The following DLC1 variants were observed in gnomAD, a reference collection of about 807,000 sequenced individuals.
DLC1 encodes rho GTPase-activating protein 7.
In DLC1, 54 loss-of-function variants were observed where a neutral mutation model predicts 140.3. That is an observed-to-expected ratio of 0.38 (90% CI 0.31 to 0.48). DLC1 has a LOEUF of 0.48. Among genes scored for constraint, DLC1 ranks in the 20% least tolerant of loss-of-function variants. The pLI is 0.96. For synonymous variants in DLC1, 986 were observed against 728.1 expected (o/e 1.35, Z -5.70); for missense variants, 2,536 against 1,907.0 (o/e 1.33, Z -6.14).
At chr8:13,238,441 A>T (rs967548949) in intron 5 of DLC1, among the ~76,000 whole-genome samples, 1 of 151,930 alleles carries the variant, frequency 6.6e-6, no homozygotes, top group Non-Finnish European at 1.5e-5. Flanking sequence ...TGAGCTCAAG[A>T]GGTGGAGGCT....
chr8:13,425,794 G>T (rs1329410805), intron 2 of DLC1, among the ~76,000 whole-genome samples: 1 of 152,036 alleles, frequency 6.6e-6, no homozygotes, highest in African/African-American at 2.4e-5. Flanking sequence ...TTATTTTTGG[G>T]GTGATAGGGT....
intron 2 of DLC1, among the ~76,000 whole-genome samples, chr8:13,482,486 T>C (rs1053310069): frequency 6.6e-6 from 1 of 152,194 alleles, no homozygotes; most frequent in Non-Finnish European, 1.5e-5. Flanking sequence ...AGCGGTGAAA[T>C]AATTTAAAGC....
At chr8:13,094,090 G>A (rs764152546) in intron 12 of DLC1, among the ~76,000 whole-genome samples, 31 of 152,272 alleles carry the variant, frequency 2.0e-4, no homozygotes, top group Non-Finnish European at 3.4e-4. Context: ...AGAGGGGTGT[G>A]AAGCAACTGA....
chr8:13,421,335 C>T (rs1304130432), intron 2 of DLC1, among the ~76,000 whole-genome samples: 1 of 152,030 alleles, frequency 6.6e-6, no homozygotes, highest in African/African-American at 2.4e-5. Flanking sequence ...CCCTAAAGTA[C>T]CCAGTAGCGT....
chr8:13,563,546 A>G (rs899720193), intron 1 of DLC1, among the ~76,000 whole-genome samples: 6 of 152,172 alleles, frequency 3.9e-5, no homozygotes, highest in Admixed American at 3.9e-4. Context: ...CTCTTAGGAG[A>G]AGAGACTTGC....
intron 4 of DLC1, among the ~76,000 whole-genome samples, chr8:13,320,042 A>G (rs1833029570): frequency 6.6e-6 from 1 of 151,034 alleles, no homozygotes; most frequent in African/African-American, 2.4e-5. Context: ...CAGCCTCCTG[A>G]CCTCTTGATC....
At chr8:13,575,136 C>T (rs1804792617) in intron 1 of DLC1, among the ~76,000 whole-genome samples, 1 of 152,174 alleles carries the variant, frequency 6.6e-6, no homozygotes, top group South Asian at 2.1e-4. Context: ...ACTCAAATTA[C>T]AGCGAAAATT....
chr8:13,483,457 G>C (rs1800831486), intron 2 of DLC1, among the ~76,000 whole-genome samples: 1 of 152,182 alleles, frequency 6.6e-6, no homozygotes, highest in Non-Finnish European at 1.5e-5. Context: ...AGGATGCACA[G>C]AGACACCTAG....
intron 5 of DLC1, among the ~76,000 whole-genome samples, chr8:13,121,317 G>C (rs1330276866): frequency 6.6e-6 from 1 of 152,132 alleles, no homozygotes; most frequent in Non-Finnish European, 1.5e-5. Flanking sequence ...CCTTCAAATG[G>C]GAAGGAAGAT....
At chr8:13,454,777 C>G (rs1215933684) in intron 2 of DLC1, among the ~76,000 whole-genome samples, 1 of 152,182 alleles carries the variant, frequency 6.6e-6, no homozygotes, top group African/African-American at 2.4e-5. Context: ...TGGTCTCAAA[C>G]TCCTGTCCTC....
At chr8:13,208,662 A>C (rs1487579647) in intron 5 of DLC1, among the ~76,000 whole-genome samples, 2 of 152,070 alleles carry the variant, frequency 1.3e-5, no homozygotes, top group East Asian at 3.9e-4. Flanking sequence ...ACCGTGGCTT[A>C]AGGATTAAGT....
chr8:13,132,976 C>A, intron 5 of DLC1: 1 of 1,611,154 alleles, frequency 6.2e-7, no homozygotes, highest in South Asian at 1.1e-5. Flanking sequence ...CTTCTTTCTG[C>A]ACATCAAGCA....
chr8:13,573,844 T>C (rs1804747950), intron 1 of DLC1, among the ~76,000 whole-genome samples: 1 of 152,162 alleles, frequency 6.6e-6, no homozygotes, highest in South Asian at 2.1e-4. Flanking sequence ...AATTTACATA[T>C]GACGTTAATA....
intron 2 of DLC1, among the ~76,000 whole-genome samples, chr8:13,477,056 G>C (rs1444354873): frequency 6.6e-6 from 1 of 152,122 alleles, no homozygotes; most frequent in Admixed American, 6.6e-5. Context: ...ACTCCTTTGT[G>C]CATCTATTCA....
At chr8:13,318,843 A>C (rs1447642608) in intron 4 of DLC1, among the ~76,000 whole-genome samples, 1 of 152,352 alleles carries the variant, frequency 6.6e-6, no homozygotes, top group African/African-American at 2.4e-5. Flanking sequence ...TTGCTAGCTA[A>C]GAGTGCACTT....
intron 4 of DLC1, among the ~76,000 whole-genome samples, chr8:13,373,445 C>A (rs1586228669): frequency 6.6e-6 from 1 of 152,122 alleles, no homozygotes; most frequent in Non-Finnish European, 1.5e-5. Context: ...GGCTGATGAT[C>A]TCCTCATCTT....
At chr8:13,276,702 C>T (rs749500330) in intron 5 of DLC1, 9 of 761,004 alleles carry the variant, frequency 1.2e-5, no homozygotes, top group Non-Finnish European at 1.5e-5. Context: ...CACCTGGGTC[C>T]GCGCCGGGCT....
At chr8:13,145,866 G>A (rs537911372) in intron 5 of DLC1, among the ~76,000 whole-genome samples, 4 of 152,320 alleles carry the variant, frequency 2.6e-5, no homozygotes, top group African/African-American at 9.6e-5. Flanking sequence ...CAAGGAAACT[G>A]GTTAGGGAAG....
chr8:13,521,136 C>T (rs1802753157), intron 1 of DLC1, among the ~76,000 whole-genome samples: 1 of 152,118 alleles, frequency 6.6e-6, no homozygotes, highest in East Asian at 1.9e-4. Flanking sequence ...TAATCCTCAG[C>T]AAACTAACAC....
Sources: gnomAD v4.1 joint callset for allele counts (sites outside exome capture counted in the v4.1 genomes callset) on GRCh38, gnomAD v4.1.1 for gene constraint, MANE v1.5 for transcripts, NCBI Gene and HGNC (gene_info 2026-07-23, HGNC 2026-07-21) for gene names.